Variants in APBA2 observed in about 807,000 individuals in gnomAD.
APBA2 encodes amyloid beta precursor protein binding family A member 2.
A neutral mutation model predicts 75.0 loss-of-function variants in APBA2; 30 were observed. That is an observed-to-expected ratio of 0.40 (90% CI 0.30 to 0.54). The LOEUF (loss-of-function observed/expected upper bound fraction) is 0.54, where lower values mean the gene tolerates loss of function less well. APBA2 is among the 20% of genes least tolerant of loss of function. The pLI is 0.49. For missense variants in APBA2, 801 were observed against 1,016.1 expected, an observed-to-expected ratio of 0.79 and a Z score of 2.88; for synonymous variants, 444 against 409.6, an observed-to-expected ratio of 1.08 and a Z score of -1.01.
At chr15:28,935,742 G>C (rs577991652) in intron 2 of APBA2, among the ~76,000 whole-genome samples, 9 of 152,322 alleles carry the variant, frequency 5.9e-5, no homozygotes, top group African/African-American at 2.2e-4. Context: ...TTACAGGAAG[G>C]GAGTCGGGGC....
chr15:29,053,663 G>A (rs1023844518), intron 3 of APBA2, among the ~76,000 whole-genome samples, 182 bp from the exon 4 acceptor site: 1 of 152,020 alleles, frequency 6.6e-6, no homozygotes, highest in Non-Finnish European at 1.5e-5. Context: ...GTTCTCCTTG[G>A]TGTGGATGCG....
At chr15:28,993,806 A>T (rs1743483184) in intron 2 of APBA2, among the ~76,000 whole-genome samples, 2 of 152,200 alleles carry the variant, frequency 1.3e-5, no homozygotes, top group South Asian at 4.1e-4. Flanking sequence ...GCTGGGAAAC[A>T]GTCCTGAGAC....
chr15:29,055,761 T>C (rs1249551805), intron 4 of APBA2, among the ~76,000 whole-genome samples: 3 of 152,000 alleles, frequency 2.0e-5, no homozygotes, highest in East Asian at 1.9e-4. Context: ...TCAGCACTTA[T>C]ATTTTAATTG....
intron 1 of APBA2, among the ~76,000 whole-genome samples, chr15:28,905,436 T>C (rs1328519194): frequency 6.6e-6 from 1 of 152,206 alleles, no homozygotes; most frequent in African/African-American, 2.4e-5. Flanking sequence ...CTTGTCTATT[T>C]TGTTTCATTC....
intron 2 of APBA2, among the ~76,000 whole-genome samples, chr15:28,930,659 C>T (rs1411007623): frequency 6.6e-6 from 1 of 152,126 alleles, no homozygotes; most frequent in Non-Finnish European, 1.5e-5. Flanking sequence ...AGGGCATTCT[C>T]TCCACAAGTG....
chr15:28,895,776 C>T (rs1333175040), intron 1 of APBA2, among the ~76,000 whole-genome samples: 4 of 151,944 alleles, frequency 2.6e-5, no homozygotes, highest in East Asian at 3.9e-4. Flanking sequence ...TACTTTCATG[C>T]GCCATAACTG....
At chr15:28,894,586 G>T (rs1044918471) in intron 1 of APBA2, among the ~76,000 whole-genome samples, 1 of 152,198 alleles carries the variant, frequency 6.6e-6, no homozygotes, top group Non-Finnish European at 1.5e-5. Flanking sequence ...GCACAGGGGG[G>T]ACTATGTGGT....
intron 2 of APBA2, among the ~76,000 whole-genome samples, chr15:28,984,746 CTA>C (rs999229842): frequency 5.0e-5 from 7 of 139,770 alleles, no homozygotes; most frequent in Non-Finnish European, 7.4e-5. Context: ...CTCTGTCTCT[CTA>C]TCTCTCTCCC....
intron 6 of APBA2, among the ~76,000 whole-genome samples, chr15:29,085,343 G>C (rs2043240039): frequency 6.6e-6 from 1 of 152,022 alleles, no homozygotes; most frequent in African/African-American, 2.4e-5. Flanking sequence ...GGCTAACACA[G>C]TGAAACCCCG....
chr15:28,955,680 A>T (rs1157818643), intron 2 of APBA2, among the ~76,000 whole-genome samples: 1 of 152,256 alleles, frequency 6.6e-6, no homozygotes, highest in Admixed American at 6.5e-5. Context: ...GAAGTTAAAC[A>T]CAAAAGCTGG....
intron 13 of APBA2, 156 bp downstream of exon 13, chr15:29,108,545 T>C: frequency 8.5e-7 from 1 of 1,170,054 alleles, no homozygotes; most frequent in Non-Finnish European, 1.2e-6. Flanking sequence ...GGGCAGGAAC[T>C]TTCCATGGCT....
At chr15:29,051,393 C>G (rs2041586840) in intron 3 of APBA2, among the ~76,000 whole-genome samples, 2 of 152,132 alleles carry the variant, frequency 1.3e-5, no homozygotes, top group South Asian at 4.1e-4. Context: ...GTGGGCCACT[C>G]TAGGGGGAGT....
intron 1 of APBA2, among the ~76,000 whole-genome samples, chr15:28,909,869 T>C (rs574838729): frequency 6.6e-6 from 1 of 152,264 alleles, no homozygotes; most frequent in African/African-American, 2.4e-5. Context: ...CTTAGAAGGA[T>C]CTCTTTTATC....
chr15:28,975,767 C>T (rs1193950566), intron 2 of APBA2, among the ~76,000 whole-genome samples: 1 of 152,184 alleles, frequency 6.6e-6, no homozygotes, highest in African/African-American at 2.4e-5. Flanking sequence ...AAGCTAATTC[C>T]TTCAAAATAT....
intron 2 of APBA2, among the ~76,000 whole-genome samples, chr15:28,969,828 A>G (rs1377636886): frequency 6.6e-6 from 1 of 152,200 alleles, no homozygotes; most frequent in Admixed American, 6.5e-5. Flanking sequence ...TTCCTGGAAT[A>G]TTCCCACTTA....
At chr15:29,017,397 C>CTTTTTTTTTTTTTTT (rs56993296) in intron 3 of APBA2, among the ~76,000 whole-genome samples, 13 of 102,086 alleles carry the variant, frequency 1.3e-4, no homozygotes, top group Non-Finnish European at 1.8e-4. Context: ...TTCTTTCTTT[C>CTTTTTTTTTTTTTTT]TTTTTTTTTT....
Position 28,918,432 on chromosome 15 carries a change from C to A in APBA2, c.-204-3208C>A, listed in dbSNP as rs1194434878. ...CAACGCCCCCTCCAGGCCCCGAGTC[C>A]CTGTCCTTGGAGGAAGCAGGACTCC... On this transcript the variant is annotated intron_variant, in intron 1 of 14. Coordinates refer to ENST00000683413, the MANE Select transcript of APBA2 (RefSeq NM_001353788.2). The surrounding 1 kb of genome is among the most constrained non-coding windows in gnomAD (Gnocchi z 4.2). Among the ~76,000 whole-genome samples the A allele has an allele frequency of 1.3e-5, 2 of 152,280 alleles. No homozygotes were observed. The highest frequency in any genetic ancestry group is 3.9e-4 in the East Asian group (2 of 5,162).
At chr15:29,063,786 T>A (rs2042256330) in intron 4 of APBA2, among the ~76,000 whole-genome samples, 1 of 151,970 alleles carries the variant, frequency 6.6e-6, no homozygotes, top group Non-Finnish European at 1.5e-5. Flanking sequence ...GGCAAGTCCC[T>A]GCACCCAGTT....
chr15:28,975,361 A>G (rs770698640), intron 2 of APBA2, among the ~76,000 whole-genome samples: 25 of 152,206 alleles, frequency 1.6e-4, no homozygotes, highest in Non-Finnish European at 3.2e-4. Context: ...CCACACACCA[A>G]TCTCACTTAG....
Sources: allele counts gnomAD v4.1 joint callset (sites outside exome capture counted in the v4.1 genomes callset), GRCh38; gene constraint gnomAD v4.1.1; non-coding constraint Gnocchi (gnomAD v3.1); transcripts MANE v1.5; gene names NCBI Gene and HGNC (gene_info 2026-07-23, HGNC 2026-07-21).